Variants in NRXN1 observed in about 807,000 individuals in gnomAD.
NRXN1 encodes neurexin 1.
A neutral mutation model predicts 150.9 loss-of-function variants in NRXN1; 39 were observed. That is an observed-to-expected ratio of 0.26 (90% CI 0.20 to 0.34). NRXN1 has a LOEUF of 0.34. Among genes scored for constraint, NRXN1 ranks in the 10% least tolerant of loss-of-function variants. The pLI, the probability that NRXN1 is intolerant of heterozygous loss-of-function variation, is 1.00. For synonymous variants in NRXN1, 924 were observed against 757.0 expected, an observed-to-expected ratio of 1.22 and a Z score of -3.62; for missense variants, 1,815 against 1,949.9, an observed-to-expected ratio of 0.93 and a Z score of 1.30.
chr2:50,869,563 AGAACATTGATATGAAGC>A (rs1677457044), intron 5 of NRXN1, among the ~76,000 whole-genome samples: 1 of 151,958 alleles, frequency 6.6e-6, no homozygotes, highest in East Asian at 2.0e-4. Flanking sequence ...CAAATTTTAA[AGAACATTGATATGAAGC>A]TGTGACCAGT....
chr2:49,950,215 T>C (rs1673676778), intron 21 of NRXN1, among the ~76,000 whole-genome samples: 1 of 151,972 alleles, frequency 6.6e-6, no homozygotes, highest in South Asian at 2.1e-4. Context: ...AGTAAAGAAA[T>C]AGATCAAATT....
chr2:50,763,505 A>AATT (rs557716871), intron 5 of NRXN1, among the ~76,000 whole-genome samples: 1,644 of 151,172 alleles, frequency 0.011, 21 homozygotes, highest in African/African-American at 0.033. Flanking sequence ...CCCTCCTTCA[A>AATT]ATTATTATTA....
At chr2:50,889,373 C>A (rs1680722678) in intron 5 of NRXN1, among the ~76,000 whole-genome samples, 1 of 151,618 alleles carries the variant, frequency 6.6e-6, no homozygotes, top group South Asian at 2.1e-4. Context: ...GTTTTGGTTT[C>A]TTTGATGTCT....
intron 2 of NRXN1, among the ~76,000 whole-genome samples, chr2:50,938,031 T>C (rs1318005573): frequency 6.6e-6 from 1 of 152,084 alleles, no homozygotes; most frequent in African/African-American, 2.4e-5. Context: ...AAGGTAGGTA[T>C]TTGTGCATTT....
chr2:50,906,203 G>C (rs1391330374), intron 5 of NRXN1, among the ~76,000 whole-genome samples: 1 of 152,064 alleles, frequency 6.6e-6, no homozygotes, highest in Non-Finnish European at 1.5e-5. Context: ...ATAACACAGG[G>C]ATAGAATTAC....
chr2:50,460,524 G>T (rs1046158406), intron 17 of NRXN1, among the ~76,000 whole-genome samples: 2 of 151,916 alleles, frequency 1.3e-5, no homozygotes, highest in African/African-American at 4.8e-5. Context: ...TTATTCAGCT[G>T]CCCAACAATA....
intron 18 of NRXN1, among the ~76,000 whole-genome samples, chr2:50,157,248 A>G (rs1277951246): frequency 6.6e-6 from 1 of 151,974 alleles, no homozygotes; most frequent in Non-Finnish European, 1.5e-5. Context: ...AACAAAATTC[A>G]AGTTGAGATC....
In NRXN1 at chr2:50,421,443, C is replaced by T. The variant is rs186258289; in HGVS notation, c.3364+43999G>A. Among the ~76,000 whole-genome samples, 5 of 152,168 alleles carry T rather than the reference C, an allele frequency of 3.3e-5. No individual in the cohort carries two copies. The East Asian group carries it at 7.7e-4, about 23-fold the overall frequency. ...AAGCAAAGAATACATCTTAGGAACA[C>T]CATAAATCATGCTTGTCAGGATATT... is the stretch of plus-strand genomic sequence containing the variant. On this transcript the variant is annotated intron_variant, in intron 17 of 22. Transcript: ENST00000401669.
rs1410126864 is a variant in NRXN1, at chr2:51,028,928, GGGCTTCAGCA to G, written c.-665_-656del. On this transcript the variant is annotated 5_prime_UTR_variant, in exon 2 of 23. Coordinates refer to ENST00000401669, the MANE Select transcript of NRXN1 (RefSeq NM_001330078.2). ...AGGCCTGCTTCTTCTGTCATAGCAT[GGGCTTCAGCA>G]CCGCTGCAGCCAAAGCCTAATTCCT... The G allele has an allele frequency of 2.6e-5, 4 of 152,210 alleles. No homozygotes were observed. The highest frequency in any genetic ancestry group is 9.7e-5 in the African/African-American group (4 of 41,450). The allele number at this position is 152,210 out of a possible 1,614,324, so 9.4% of individuals were successfully genotyped here. A position where few individuals can be genotyped will look rare whatever the true frequency, so the allele number is the denominator to read the frequency against.
At chr2:50,107,112 A>G (rs1290740599) in intron 18 of NRXN1, among the ~76,000 whole-genome samples, 1 of 152,044 alleles carries the variant, frequency 6.6e-6, no homozygotes, top group Admixed American at 6.6e-5. Flanking sequence ...ATAACTTTTC[A>G]ACATGGAAAG....
chr2:51,010,629 A>G (rs7594170), intron 2 of NRXN1, among the ~76,000 whole-genome samples: 72,641 of 151,806 alleles, frequency 0.48, 17,805 homozygotes, highest in East Asian at 0.63. Flanking sequence ...GTTCCTAGAG[A>G]TGAAACTGTT....
intron 15 of NRXN1, among the ~76,000 whole-genome samples, chr2:50,476,402 G>A (rs2089990018): frequency 6.6e-6 from 1 of 151,964 alleles, no homozygotes; most frequent in Non-Finnish European, 1.5e-5. Flanking sequence ...CTCAGTGTAG[G>A]CAAGTTAGGT....
chr2:50,334,209 A>ATATACATATATATATATATATATATATG (rs760530144), intron 17 of NRXN1, among the ~76,000 whole-genome samples: 2 of 121,440 alleles, frequency 1.6e-5, no homozygotes, highest in Non-Finnish European at 3.2e-5. Context: ...ATATATATAT[A>ATATACATATATATATATATATATATATG]TATGTATGTA....
chr2:51,003,310 T>C (rs1700298391), intron 2 of NRXN1, among the ~76,000 whole-genome samples: 1 of 151,994 alleles, frequency 6.6e-6, no homozygotes, highest in South Asian at 2.1e-4. Context: ...ATTTACCCTG[T>C]AGCATAATAA....
chr2:50,902,631 T>C (rs940659430), intron 5 of NRXN1, among the ~76,000 whole-genome samples: 1 of 152,172 alleles, frequency 6.6e-6, no homozygotes, highest in South Asian at 2.1e-4. Flanking sequence ...GCTGAGAATA[T>C]ATTACAGCAC....
intron 5 of NRXN1, among the ~76,000 whole-genome samples, chr2:50,719,798 T>C (rs1696396656): frequency 6.6e-6 from 1 of 152,220 alleles, no homozygotes; most frequent in South Asian, 2.1e-4. Flanking sequence ...TCTAGGTCTT[T>C]ATCTCTCTCA....
chr2:50,927,988 A>G (rs1687158531), intron 2 of NRXN1, among the ~76,000 whole-genome samples: 1 of 152,004 alleles, frequency 6.6e-6, no homozygotes, highest in Non-Finnish European at 1.5e-5. Context: ...AAGGTCACTG[A>G]TTCAGTCCTG....
intron 5 of NRXN1, among the ~76,000 whole-genome samples, chr2:50,658,563 T>C (rs1336554671): frequency 6.6e-6 from 1 of 151,952 alleles, no homozygotes. Context: ...ATTTTTCTGC[T>C]GCCATAATTC....
intron 18 of NRXN1, among the ~76,000 whole-genome samples, chr2:50,226,150 T>G (rs1229178164): frequency 1.3e-5 from 2 of 152,010 alleles, no homozygotes; most frequent in African/African-American, 4.8e-5. Context: ...TGTGTGACTT[T>G]CATTTCTTCA....
Sources: gnomAD v4.1 joint callset for allele counts (sites outside exome capture counted in the v4.1 genomes callset) on GRCh38, gnomAD v4.1.1 for gene constraint, MANE v1.5 for transcripts, NCBI Gene and HGNC (gene_info 2026-07-23, HGNC 2026-07-21) for gene names.